Variants in CGNL1 observed in about 807,000 individuals in gnomAD.
CGNL1 encodes cingulin-like protein 1.
Under a neutral mutation model 141.2 loss-of-function variants are expected in CGNL1, and 132 were observed. That is an observed-to-expected ratio of 0.93 (90% confidence interval 0.81 to 1.08). CGNL1 has a LOEUF of 1.08. CGNL1 is among the 50% of genes least tolerant of loss of function. CGNL1 has a pLI of 0.00. For synonymous variants in CGNL1, 690 were observed against 622.1 expected (o/e 1.11, Z -1.63); for missense variants, 1,870 against 1,588.6 (o/e 1.18, Z -3.01).
chr15:57,475,350 T>C (rs761330277), intron 8 of CGNL1, among the ~76,000 whole-genome samples: 1 of 152,108 alleles, frequency 6.6e-6, no homozygotes, highest in Non-Finnish European at 1.5e-5. Flanking sequence ...GTGTGCCCTG[T>C]TACTCCGTAT....
chr15:57,516,679 G>A, intron 8 of CGNL1, 101 bp from the exon 9 acceptor site: 1 of 1,259,768 alleles, frequency 7.9e-7, no homozygotes, highest in Non-Finnish European at 1.1e-6. Flanking sequence ...GCCTGGCTAA[G>A]TGGGCACAAT....
chr15:57,394,034 TCCTCCCATCTCAA>T (rs1361376220), intron 1 of CGNL1: 2 of 148,816 alleles, frequency 1.3e-5, no homozygotes, highest in Non-Finnish European at 3.0e-5. Flanking sequence ...GCTCAAGCCA[TCCTCCCATCTCAA>T]CCTCCCGAGT....
rs550640095 is a variant in CGNL1 at position 57,530,584 on chromosome 15, A to C, written c.3202-1106A>C. 4.6e-5 allele frequency among the ~76,000 whole-genome samples: 7 copies of C among 152,250 alleles called. No homozygotes were observed. In the East Asian group the frequency reaches 7.7e-4, roughly 17 times the overall value. On this transcript the variant is annotated intron_variant, in intron 13 of 18. Coordinates refer to ENST00000281282, the MANE Select transcript of CGNL1 (RefSeq NM_032866.5). The stretch of plus-strand genomic sequence containing the variant: ...TCTTGTGGATCCTGAGTGATGTCTG[A>C]CTATAGTGAGACTGGTCTTGGAGGC...
chr15:57,388,741 A>T (rs1460647795), intron 1 of CGNL1, among the ~76,000 whole-genome samples: 2 of 152,228 alleles, frequency 1.3e-5, no homozygotes, highest in African/African-American at 2.4e-5. Flanking sequence ...TGCTTGGCAA[A>T]TCTATTAAAG....
At chr15:57,415,604 C>A (rs1336680034) in intron 1 of CGNL1, among the ~76,000 whole-genome samples, 1 of 152,228 alleles carries the variant, frequency 6.6e-6, no homozygotes, top group African/African-American at 2.4e-5. Flanking sequence ...TAAAAGTCTT[C>A]CAGATTCTAC....
At chr15:57,447,676 CTAT>C (rs1454240898) in intron 4 of CGNL1, among the ~76,000 whole-genome samples, 2 of 151,796 alleles carry the variant, frequency 1.3e-5, no homozygotes, top group Non-Finnish European at 2.9e-5. Context: ...AAATTCTTGG[CTAT>C]TATTTATTTG....
intron 9 of CGNL1, among the ~76,000 whole-genome samples, chr15:57,518,116 A>G (rs974432725): frequency 6.6e-6 from 1 of 151,978 alleles, no homozygotes; most frequent in Non-Finnish European, 1.5e-5. Flanking sequence ...GACCAGCCAG[A>G]GCAATATAGT....
chr15:57,427,087 G>C (rs2152290845), intron 1 of CGNL1, among the ~76,000 whole-genome samples: 1 of 152,224 alleles, frequency 6.6e-6, no homozygotes, highest in African/African-American at 2.4e-5. Flanking sequence ...TTGGGTTTGG[G>C]TAGTCCCCCT....
intron 1 of CGNL1, among the ~76,000 whole-genome samples, chr15:57,415,431 T>C (rs58592719): frequency 1.2e-3 from 177 of 152,260 alleles, no homozygotes; most frequent in African/African-American, 3.9e-3. Context: ...GCTGCTGGCG[T>C]TGAAGATGGA....
At chr15:57,500,635 G>A (rs1403990861) in intron 8 of CGNL1, among the ~76,000 whole-genome samples, 1 of 122,040 alleles carries the variant, frequency 8.2e-6, no homozygotes, top group Non-Finnish European at 1.7e-5. Flanking sequence ...GAAAAATGTG[G>A]ATTGAGAATG....
intron 1 of CGNL1, among the ~76,000 whole-genome samples, chr15:57,413,583 G>C (rs2062817024): frequency 6.6e-6 from 1 of 152,232 alleles, no homozygotes; most frequent in South Asian, 2.1e-4. Context: ...ACCATGCCCG[G>C]CCAGCATCTC....
At chr15:57,517,576 T>C (rs948524908) in intron 9 of CGNL1, among the ~76,000 whole-genome samples, 3 of 152,190 alleles carry the variant, frequency 2.0e-5, no homozygotes, top group African/African-American at 7.2e-5. Context: ...GAAATGTATT[T>C]CTCACAGTTC....
At chr15:57,383,228 G>A (rs1164916250) in intron 1 of CGNL1, among the ~76,000 whole-genome samples, 1 of 151,814 alleles carries the variant, frequency 6.6e-6, no homozygotes, top group African/African-American at 2.4e-5. Context: ...ATAAGAGAGA[G>A]AGAGAAAATA....
intron 1 of CGNL1, among the ~76,000 whole-genome samples, chr15:57,417,288 C>G (rs1469366253): frequency 6.6e-6 from 1 of 152,084 alleles, no homozygotes; most frequent in African/African-American, 2.4e-5. Context: ...GGCTGGAGTG[C>G]AGTGGTGGGA....
At chr15:57,496,703 C>A (rs1303592168) in intron 8 of CGNL1, among the ~76,000 whole-genome samples, 1 of 152,060 alleles carries the variant, frequency 6.6e-6, no homozygotes, top group Non-Finnish European at 1.5e-5. Context: ...AAGCATGAGC[C>A]CTGGAGTCAG....
intron 8 of CGNL1, among the ~76,000 whole-genome samples, chr15:57,471,878 C>T (rs11632782): frequency 0.028 from 4,237 of 152,072 alleles, 103 homozygotes; most frequent in South Asian, 0.04. Context: ...TCAGGCACTG[C>T]GCTGGGTTGT....
rs2063449124 is a variant in CGNL1, at chr15:57,461,736, A to G, written c.2247A>G (p.Gln749=). ...LQDLLIAKEE[Q]EDLLRKRERE... ...ATCTGCTGATTGCCAAAGAGGAGCA[A>G]GAAGACCTCTTGAGAAAGCGAGAGC... The change falls in exon 8 of 19, where the codon CAA becomes CAG. Residue 749 remains glutamine (Q), a synonymous_variant. Transcript: ENST00000281282. The G allele has an allele frequency of 4.3e-6, 7 of 1,614,182 alleles. No individual in the cohort carries two copies. The highest frequency in any genetic ancestry group is 5.1e-6 in the Non-Finnish European group (6 of 1,180,020).
chr15:57,413,179 T>TTCTTTCTC, intron 1 of CGNL1, among the ~76,000 whole-genome samples: 1 of 122,860 alleles, frequency 8.1e-6, no homozygotes, highest in South Asian at 2.6e-4. Context: ...CTTTCTTTCT[T>TTCTTTCTC]TCTTTCTCTC....
chr15:57,405,768 C>CTT (rs1217629151), intron 1 of CGNL1, among the ~76,000 whole-genome samples: 8 of 135,362 alleles, frequency 5.9e-5, no homozygotes, highest in African/African-American at 2.0e-4. Context: ...TTCTTTCTTT[C>CTT]TTTCTCTTTC....
Sources: gnomAD v4.1 joint callset for allele counts (sites outside exome capture counted in the v4.1 genomes callset) on GRCh38, gnomAD v4.1.1 for gene constraint, MANE v1.5 for transcripts, NCBI Gene and HGNC (gene_info 2026-07-23, HGNC 2026-07-21) for gene names.